The following WNK1 variants were observed in gnomAD, a reference collection of about 807,000 sequenced individuals.
WNK1 encodes serine/threonine-protein kinase WNK1.
A neutral mutation model predicts 222.8 loss-of-function variants in WNK1; 38 were observed. That is an observed-to-expected ratio of 0.17 (90% CI 0.13 to 0.22). The LOEUF (loss-of-function observed/expected upper bound fraction) is 0.22, where lower values mean the gene tolerates loss of function less well. Among genes scored for constraint, WNK1 ranks in the 10% least tolerant of loss-of-function variants. The pLI is 1.00. For synonymous variants in WNK1, 1,090 were observed against 1,092.9 expected (o/e 1.00, Z 0.05); for missense variants, 2,348 against 2,918.4 (o/e 0.80, Z 4.50).
chr12:882,783 G>T (rs1953292368), intron 14 of WNK1, among the ~76,000 whole-genome samples, 160 bp from the exon 15 acceptor site: 1 of 152,168 alleles, frequency 6.6e-6, no homozygotes, highest in Admixed American at 6.5e-5. Flanking sequence ...GATTTTTCTT[G>T]CTACCAGTTT....
At chr12:816,577 G>A (rs1344154316) in intron 2 of WNK1, among the ~76,000 whole-genome samples, 2 of 152,004 alleles carry the variant, frequency 1.3e-5, no homozygotes, top group East Asian at 1.9e-4. Context: ...CATGAGCCAC[G>A]GTGCCCAGCC....
At chr12:847,473 C>T (rs963489046) in intron 4 of WNK1, among the ~76,000 whole-genome samples, 4 of 152,162 alleles carry the variant, frequency 2.6e-5, no homozygotes, top group African/African-American at 9.7e-5. Context: ...GAAGTGTTCA[C>T]TAAAGTATTC....
intron 10 of WNK1, 26 bp from the exon 11 acceptor site, chr12:879,547 T>G: frequency 1.3e-4 from 155 of 1,214,068 alleles, no homozygotes; most frequent in Middle Eastern, 2.7e-4. Flanking sequence ...TAAGCCTGTC[T>G]GTTTTGTTTT....
chr12:874,826 CAG>C (rs1471037768), intron 9 of WNK1, among the ~76,000 whole-genome samples: 1 of 151,984 alleles, frequency 6.6e-6, no homozygotes, highest in African/African-American at 2.4e-5. Context: ...GAGGTAAAAA[CAG>C]AATTTAAATC....
chr12:778,088 T>C (rs1943303883), intron 1 of WNK1, among the ~76,000 whole-genome samples: 2 of 152,204 alleles, frequency 1.3e-5, no homozygotes, highest in African/African-American at 4.8e-5. Flanking sequence ...CTAAAAGGGC[T>C]CATTTACCAA....
At chr12:845,191 G>A (rs1358935755) in intron 4 of WNK1, among the ~76,000 whole-genome samples, 4 of 152,028 alleles carry the variant, frequency 2.6e-5, no homozygotes, top group South Asian at 2.1e-4. Context: ...CACCGCGCCC[G>A]GCCTGTACCT....
chr12:884,601 C>T lies in WNK1; in HGVS notation c.3845-48C>T. ...AGGCTAGCAGACAATCTTTTGAATCCATCCTTTTAAAATCAGCTGATTCTT... is the reference window on the plus strand; with the variant it reads ...AGGCTAGCAGACAATCTTTTGAATCTATCCTTTTAAAATCAGCTGATTCTT... On this transcript the variant is annotated intron_variant, in intron 18 of 27. Transcript: ENST00000315939. The surrounding 1 kb of genome is among the most constrained non-coding windows in gnomAD (Gnocchi z 5.6). The T allele has an allele frequency of 6.4e-7, 1 of 1,572,056 alleles. No homozygotes were observed. The highest frequency in any genetic ancestry group is 8.7e-7 in the Non-Finnish European group (1 of 1,142,896).
chr12:875,542 A>T (rs1952528960), intron 9 of WNK1, among the ~76,000 whole-genome samples: 1 of 152,184 alleles, frequency 6.6e-6, no homozygotes, highest in Non-Finnish European at 1.5e-5. Flanking sequence ...TATTCTGAGG[A>T]CTGTATGTGA....
intron 26 of WNK1, among the ~76,000 whole-genome samples, chr12:903,871 C>T (rs913306589): frequency 7.2e-5 from 11 of 152,116 alleles, no homozygotes; most frequent in Admixed American, 5.2e-4. Flanking sequence ...TGGCTTACTG[C>T]TATATTTATG....
intron 1 of WNK1, among the ~76,000 whole-genome samples, chr12:781,735 A>G (rs913951345): frequency 1.3e-5 from 2 of 152,208 alleles, no homozygotes; most frequent in African/African-American, 4.8e-5. Context: ...TGTGGAGACT[A>G]CAGATTTAAT....
At chr12:887,562 CAGCAA>C (rs1214395704) in intron 20 of WNK1, among the ~76,000 whole-genome samples, 3 of 151,926 alleles carry the variant, frequency 2.0e-5, no homozygotes, top group African/African-American at 7.3e-5. Flanking sequence ...AGGAAGAAAA[CAGCAA>C]AGCAAACATT....
chr12:850,268 T>A (rs1272878734), intron 4 of WNK1, among the ~76,000 whole-genome samples: 8 of 152,124 alleles, frequency 5.3e-5, no homozygotes, highest in Admixed American at 4.6e-4. Context: ...TTCTAACTGG[T>A]GTGAGATGGT....
chr12:769,827 G>GA (rs1328398902), intron 1 of WNK1, among the ~76,000 whole-genome samples: 1 of 152,150 alleles, frequency 6.6e-6, no homozygotes, highest in African/African-American at 2.4e-5. Flanking sequence ...GGCATCTGTT[G>GA]AGGTCTTTCT....
chr12:877,220 C>T (rs1017976251), intron 9 of WNK1, among the ~76,000 whole-genome samples: 3 of 151,982 alleles, frequency 2.0e-5, no homozygotes, highest in Admixed American at 6.6e-5. Flanking sequence ...TGTGCCACCA[C>T]GCCCGGCTAA....
rs71051382 is a variant in WNK1 at position 767,234 on chromosome 12, GTTTTTTTTTTTTTTTTTTTTT to G, written c.759+12925_759+12945del. Among the ~76,000 whole-genome samples the G allele has an allele frequency of 1.8e-4, 13 of 70,892 alleles. No homozygotes were observed. The East Asian group carries it at 2.5e-3, about 14-fold the overall frequency. 46.5% of individuals were successfully genotyped at this position (70,892 alleles called of 152,430 possible). Reference sequence around the variant, plus strand: ...TGTGGCAGACTTTCTGGGTTGATAGGTTTTTTTTTTTTTTTTTTTTTTTTTTTTTTTTTTTGGAGACAGAGT... The same window carrying G: ...TGTGGCAGACTTTCTGGGTTGATAGGTTTTTTTTTTTTTTGGAGACAGAGT... On this transcript the variant is annotated intron_variant, in intron 1 of 27. Transcript: ENST00000315939.
At chr12:855,645 C>A in intron 4 of WNK1, among the ~76,000 whole-genome samples, 1 of 152,114 alleles carries the variant, frequency 6.6e-6, no homozygotes, top group Non-Finnish European at 1.5e-5. Context: ...ACTCCATTCC[C>A]TTTGTTTTAT....
At chr12:757,309 CTTTTTTT>C (rs946901263) in intron 1 of WNK1, among the ~76,000 whole-genome samples, 19 of 83,604 alleles carry the variant, frequency 2.3e-4, no homozygotes, top group African/African-American at 3.5e-4. Context: ...AGCATCAATT[CTTTTTTT>C]TTTTTTTTTT....
At chr12:843,776 T>C (rs960215894) in intron 4 of WNK1, among the ~76,000 whole-genome samples, 2 of 152,176 alleles carry the variant, frequency 1.3e-5, no homozygotes, top group African/African-American at 4.8e-5. Context: ...CTCAGGGTGC[T>C]TGTATTTAGT....
At chr12:802,009 T>C (rs1274565192) in intron 1 of WNK1, among the ~76,000 whole-genome samples, 1 of 152,110 alleles carries the variant, frequency 6.6e-6, no homozygotes, top group African/African-American at 2.4e-5. Flanking sequence ...CAACTTCCCC[T>C]CACAGTTTTT....
Sources: gnomAD v4.1 joint callset for allele counts (sites outside exome capture counted in the v4.1 genomes callset) on GRCh38, gnomAD v4.1.1 for gene constraint, Gnocchi (gnomAD v3.1) non-coding constraint, MANE v1.5 for transcripts, NCBI Gene and HGNC (gene_info 2026-07-23, HGNC 2026-07-21) for gene names.